Variants in UNC5D observed in about 807,000 individuals in gnomAD.
The protein encoded by UNC5D is netrin receptor UNC5D.
Under a neutral mutation model 105.4 loss-of-function variants are expected in UNC5D, and 39 were observed. The observed-to-expected ratio is 0.37, with a 90% confidence interval of 0.29 to 0.48. UNC5D has a LOEUF of 0.48. UNC5D is among the 20% of genes least tolerant of loss of function. The pLI is 0.98. For missense variants in UNC5D, 991 were observed against 1,202.4 expected, an observed-to-expected ratio of 0.82 and a Z score of 2.60; for synonymous variants, 452 against 450.4, an observed-to-expected ratio of 1.00 and a Z score of -0.04.
At chr8:35,782,972 C>A (rs922308311) in intron 16 of UNC5D, among the ~76,000 whole-genome samples, 4 of 151,664 alleles carry the variant, frequency 2.6e-5, no homozygotes, top group South Asian at 2.1e-4. Context: ...CCATATCTAC[C>A]AAAAATAATT....
intron 3 of UNC5D, among the ~76,000 whole-genome samples, chr8:35,589,450 A>AC (rs1819015964): frequency 6.6e-6 from 1 of 151,542 alleles, no homozygotes; most frequent in African/African-American, 2.4e-5. Flanking sequence ...GAATTACTGA[A>AC]CCATATGAAT....
intron 1 of UNC5D, among the ~76,000 whole-genome samples, chr8:35,447,945 G>C (rs1807905231): frequency 6.6e-6 from 1 of 151,954 alleles, no homozygotes; most frequent in East Asian, 1.9e-4. Flanking sequence ...ATACTCTTCT[G>C]TCTGAAAGTT....
chr8:35,465,750 C>T (rs1389552976), intron 1 of UNC5D, among the ~76,000 whole-genome samples: 1 of 152,046 alleles, frequency 6.6e-6, no homozygotes, highest in Non-Finnish European at 1.5e-5. Flanking sequence ...ACTCAGCTGA[C>T]CTTAAAATAG....
At position 35,555,834 on chromosome 8, in the gene UNC5D, C is replaced by CAA. The variant is rs201702783; in HGVS notation, c.322+6334_322+6335dup. Reference sequence around the variant, plus strand: ...AGCAAGACTCCACCTCAAAAAAATACAAAAAAAAAAAGAATAATTATAAAG... The same window carrying CAA: ...AGCAAGACTCCACCTCAAAAAAATACAAAAAAAAAAAAAGAATAATTATAAAG... On this transcript the variant is annotated intron_variant, in intron 2 of 16. Transcript: ENST00000404895. Among the ~76,000 whole-genome samples, 64 of 107,960 alleles carry CAA rather than the reference C, an allele frequency of 5.9e-4. 1 individual carries two copies. Among genetic ancestry groups the CAA allele is most frequent in the African/African-American group, 1.7e-3 (56 of 32,790 alleles). 70.8% of individuals were successfully genotyped at this position (107,960 alleles called of 152,430 possible).
intron 1 of UNC5D, among the ~76,000 whole-genome samples, chr8:35,442,904 T>TCACTCA (rs1554531944): frequency 7.1e-6 from 1 of 141,252 alleles, no homozygotes; most frequent in Non-Finnish European, 1.5e-5. Context: ...TCTCTCTCTC[T>TCACTCA]CACACACACA....
At chr8:35,627,516 C>A (rs1821760435) in intron 4 of UNC5D, among the ~76,000 whole-genome samples, 1 of 152,200 alleles carries the variant, frequency 6.6e-6, no homozygotes, top group Non-Finnish European at 1.5e-5. Context: ...ATGCAGCCAT[C>A]TTTACTTAGC....
intron 1 of UNC5D, among the ~76,000 whole-genome samples, chr8:35,511,709 G>A (rs1217914772): frequency 6.7e-6 from 1 of 149,960 alleles, no homozygotes; most frequent in Non-Finnish European, 1.5e-5. Context: ...ACAAAAAATA[G>A]ATTAACAATA....
intron 16 of UNC5D, among the ~76,000 whole-genome samples, chr8:35,788,694 A>ACACACG (rs1211733742): frequency 6.6e-6 from 1 of 151,732 alleles, no homozygotes; most frequent in African/African-American, 2.4e-5. Flanking sequence ...CAGAAAACAC[A>ACACACG]CACACGCACA....
chr8:35,251,377 A>AC (rs1453440121), intron 1 of UNC5D, among the ~76,000 whole-genome samples: 8 of 152,108 alleles, frequency 5.3e-5, no homozygotes, highest in Non-Finnish European at 1.2e-4. Flanking sequence ...CGTGAGAACC[A>AC]CCCCCATGAT....
chr8:35,500,119 A>C (rs764010894), intron 1 of UNC5D, among the ~76,000 whole-genome samples: 1 of 152,178 alleles, frequency 6.6e-6, no homozygotes, highest in Non-Finnish European at 1.5e-5. Context: ...TGATAGTATT[A>C]ATTAGTTTTC....
At position 35,726,472 on chromosome 8, in the gene UNC5D, C is replaced by T. The variant is rs1051957587; in HGVS notation, c.1624C>T (p.Leu542=). 6.2e-7 allele frequency: 1 copy of T among 1,614,112 alleles called. No individual in the cohort carries two copies. The highest frequency in any genetic ancestry group is 1.3e-5 in the African/African-American group (1 of 75,056). ...NLSSLPTRTE[L]RTTGVFGHLG... ...GTCATCACTCCCCACAAGGACAGAA[C>T]TGAGGACAACTGGTGTCTTTGGCCA... is the stretch of plus-strand genomic sequence containing the variant. Residue 542 remains leucine, a synonymous_variant, in exon 10 of 17, where the codon CTG becomes TTG. Coordinates refer to ENST00000404895, the MANE Select transcript of UNC5D (RefSeq NM_080872.4).
chr8:35,635,131 C>T (rs1029556211), intron 4 of UNC5D, among the ~76,000 whole-genome samples: 1 of 152,022 alleles, frequency 6.6e-6, no homozygotes, highest in African/African-American at 2.4e-5. Flanking sequence ...TATTTTTTCT[C>T]TCTCTCTATC....
chr8:35,273,998 G>GT (rs755165518), intron 1 of UNC5D, among the ~76,000 whole-genome samples: 1,457 of 145,640 alleles, frequency 0.01, 21 homozygotes, highest in East Asian at 0.054. Context: ...ATTTATCGTG[G>GT]TTTTTTTTTT....
At chr8:35,314,848 A>G (rs1286354858) in intron 1 of UNC5D, among the ~76,000 whole-genome samples, 1 of 152,186 alleles carries the variant, frequency 6.6e-6, no homozygotes, top group Non-Finnish European at 1.5e-5. Flanking sequence ...TACAACATGG[A>G]AACACTACAG....
intron 3 of UNC5D, among the ~76,000 whole-genome samples, chr8:35,585,414 A>G (rs1818722861): frequency 6.6e-6 from 1 of 152,126 alleles, no homozygotes; most frequent in Non-Finnish European, 1.5e-5. Context: ...GTCCGTCCAA[A>G]GGTGGCCTTT....
intron 1 of UNC5D, among the ~76,000 whole-genome samples, chr8:35,288,411 C>G (rs1261055656): frequency 1.3e-5 from 2 of 151,616 alleles, no homozygotes; most frequent in Non-Finnish European, 2.9e-5. Context: ...TAAAAACAGA[C>G]AAACAAAAGC....
intron 16 of UNC5D, among the ~76,000 whole-genome samples, chr8:35,784,365 A>C (rs1802643629): frequency 6.6e-6 from 1 of 152,182 alleles, no homozygotes; most frequent in South Asian, 2.1e-4. Context: ...TCAGAGTTCC[A>C]AAGGAAAAGA....
intron 1 of UNC5D, among the ~76,000 whole-genome samples, chr8:35,398,590 C>A (rs576781925): frequency 1.3e-5 from 2 of 151,780 alleles, no homozygotes; most frequent in African/African-American, 2.4e-5. Flanking sequence ...CATCTCCCCC[C>A]ACATTGAAGT....
chr8:35,718,359 C>A (rs540638983), intron 8 of UNC5D, among the ~76,000 whole-genome samples: 1 of 152,132 alleles, frequency 6.6e-6, no homozygotes, highest in Non-Finnish European at 1.5e-5. Context: ...GCAAACAAAC[C>A]AGCCACACTG....
Sources: allele counts gnomAD v4.1 joint callset (sites outside exome capture counted in the v4.1 genomes callset), GRCh38; gene constraint gnomAD v4.1.1; transcripts MANE v1.5; gene names NCBI Gene and HGNC (gene_info 2026-07-23, HGNC 2026-07-21).